MBD5: variants seen among roughly 807,000 people sequenced by gnomAD.
MBD5 encodes the protein methyl-CpG-binding domain protein 5.
A neutral mutation model predicts 117.3 loss-of-function variants in MBD5; 13 were observed. The observed-to-expected ratio is 0.11, with a 90% CI of 0.07 to 0.18. The LOEUF is 0.18. Among genes scored for constraint, MBD5 ranks in the 10% least tolerant of loss-of-function variants. MBD5 has a pLI of 1.00. For synonymous variants in MBD5, 727 were observed against 766.4 expected (o/e 0.95, Z 0.85); for missense variants, 1,879 against 2,093.8 (o/e 0.90, Z 2.00).
intron 1 of MBD5, among the ~76,000 whole-genome samples, chr2:148,062,995 G>C (rs1695081446): frequency 6.6e-6 from 1 of 152,050 alleles, no homozygotes; most frequent in Non-Finnish European, 1.5e-5. Context: ...GCACATATTT[G>C]CGGATTCCTT....
At chr2:148,260,349 G>A (rs578080425) in intron 3 of MBD5, among the ~76,000 whole-genome samples, 82 of 152,258 alleles carry the variant, frequency 5.4e-4, no homozygotes, top group Middle Eastern at 3.4e-3. Context: ...CTGCTCATCC[G>A]TTCAAGTTTT....
At chr2:148,364,217 A>G (rs2105324303) in intron 4 of MBD5, among the ~76,000 whole-genome samples, 1 of 152,356 alleles carries the variant, frequency 6.6e-6, no homozygotes, top group South Asian at 2.1e-4. Flanking sequence ...AGAATTTTCA[A>G]CCCAGAATTT....
intron 4 of MBD5, among the ~76,000 whole-genome samples, chr2:148,439,342 A>T (rs1404156727): frequency 1.3e-5 from 2 of 152,188 alleles, no homozygotes; most frequent in Non-Finnish European, 2.9e-5. Flanking sequence ...ATGTAGGGAC[A>T]TCTTTCTGCC....
intron 4 of MBD5, among the ~76,000 whole-genome samples, chr2:148,394,111 G>A (rs1228186097): frequency 6.6e-6 from 1 of 152,146 alleles, no homozygotes; most frequent in Non-Finnish European, 1.5e-5. Flanking sequence ...GTGGGGTCCT[G>A]TTGTTTTCTG....
At chr2:148,027,836 T>G (rs1272101781) in intron 1 of MBD5, 1 of 152,130 alleles carries the variant, frequency 6.6e-6, no homozygotes, top group Non-Finnish European at 1.5e-5. Flanking sequence ...CTGTTATATA[T>G]TAGAAAAGTT....
At chr2:148,102,721 CACACACACAGAGAGAGAGAG>C (rs770361110) in intron 1 of MBD5, among the ~76,000 whole-genome samples, 7 of 90,878 alleles carry the variant, frequency 7.7e-5, no homozygotes, top group Admixed American at 2.7e-4. Context: ...CACACACACA[CACACACACAGAGAGAGAGAG>C]AGAGAGAGAG....
intron 4 of MBD5, among the ~76,000 whole-genome samples, chr2:148,455,609 A>G (rs1706856491): frequency 6.6e-6 from 1 of 152,122 alleles, no homozygotes; most frequent in Non-Finnish European, 1.5e-5. Context: ...AAACCCAGCC[A>G]TCAGATATTG....
chr2:148,469,631 A>G lies in MBD5; in HGVS notation c.1688A>G (p.Asn563Ser). 6.2e-7 allele frequency: 1 copy of G among 1,613,944 alleles called. No individual in the cohort carries two copies. Among genetic ancestry groups the G allele is most frequent in the East Asian group, 2.2e-5 (1 of 44,880 alleles). Reference protein sequence around the residue: ...SQPGLLGMPLNQILNQHNAAS... With the variant: ...SQPGLLGMPLSQILNQHNAAS... The stretch of plus-strand genomic sequence containing the variant: ...CCTGGTTTGCTGGGAATGCCTTTAA[A>G]TCAGATCTTGAACCAGCACAATGCT... Residue 563 changes from asparagine to serine, a missense_variant, in exon 8 of 14, where the codon AAT (asparagine) becomes AGT (serine). Asn to Ser is a conservative substitution (Grantham distance 46). Coordinates refer to ENST00000642680, the MANE Select transcript of MBD5 (RefSeq NM_001378120.1).
At chr2:148,180,846 A>G (rs1698515270) in intron 2 of MBD5, among the ~76,000 whole-genome samples, 1 of 152,198 alleles carries the variant, frequency 6.6e-6, no homozygotes, top group African/African-American at 2.4e-5. Context: ...CCCTTGACCC[A>G]TAGGAAATCA....
intron 1 of MBD5, among the ~76,000 whole-genome samples, chr2:148,048,179 C>T (rs1007664320): frequency 1.3e-5 from 2 of 152,070 alleles, no homozygotes; most frequent in Non-Finnish European, 2.9e-5. Context: ...TAACTACCTC[C>T]TTCTCATGGT....
chr2:148,082,816 G>A (rs1220888880), intron 1 of MBD5, among the ~76,000 whole-genome samples: 3 of 152,148 alleles, frequency 2.0e-5, no homozygotes, highest in Non-Finnish European at 4.4e-5. Flanking sequence ...GGTGGCCTTG[G>A]AACAAATTCA....
At chr2:148,266,587 T>C (rs971453721) in intron 3 of MBD5, among the ~76,000 whole-genome samples, 2 of 152,084 alleles carry the variant, frequency 1.3e-5, no homozygotes, top group African/African-American at 4.8e-5. Context: ...GACAGAACTG[T>C]TATTATTTGC....
intron 1 of MBD5, among the ~76,000 whole-genome samples, chr2:148,109,704 G>A (rs115648114): frequency 0.026 from 3,980 of 152,162 alleles, 102 homozygotes; most frequent in African/African-American, 0.067. Context: ...ACTCAATAAA[G>A]CTGTAGGTTT....
At chr2:148,111,280 A>G (rs1305615452) in intron 1 of MBD5, among the ~76,000 whole-genome samples, 1 of 152,178 alleles carries the variant, frequency 6.6e-6, no homozygotes, top group African/African-American at 2.4e-5. Flanking sequence ...ACTGTGGTAA[A>G]CTCCAGAAGG....
At chr2:148,086,990 G>T (rs546953476) in intron 1 of MBD5, among the ~76,000 whole-genome samples, 41 of 152,212 alleles carry the variant, frequency 2.7e-4, no homozygotes, top group African/African-American at 9.6e-4. Flanking sequence ...CATGATAGGT[G>T]ATTGCAGTTA....
At position 148,489,659 on chromosome 2, in the gene MBD5, A is replaced by C; in HGVS notation, c.4027A>C (p.Ser1343Arg). ...GGTTGTCATCACCACTGCAGTCAAC[A>C]GTACAACTCAGATCAGCCCCATTCC... is the stretch of plus-strand genomic sequence containing the variant. ...MQVVITTAVN[S>R]TTQISPIPAL... Residue 1343 changes from serine (S) to arginine (R), a missense_variant, in exon 11 of 14, where the codon AGT becomes CGT. Around this residue, in one of 4 missense-constraint regions of MBD5, gnomAD observed 1,666 missense variants for 1,792.2 expected, o/e 0.93. Transcript: ENST00000642680. 6.2e-7 allele frequency: 1 copy of C among 1,614,194 alleles called. No individual in the cohort carries two copies. Among genetic ancestry groups the C allele is most frequent in the Non-Finnish European group, 8.5e-7 (1 of 1,180,034 alleles).
At chr2:148,170,614 C>G (rs1698242343) in intron 1 of MBD5, among the ~76,000 whole-genome samples, 1 of 152,164 alleles carries the variant, frequency 6.6e-6, no homozygotes, top group African/African-American at 2.4e-5. Flanking sequence ...CCTGTCAGAT[C>G]AGAATGACTG....
intron 2 of MBD5, among the ~76,000 whole-genome samples, chr2:148,196,041 A>T (rs1698978111): frequency 6.6e-6 from 1 of 152,208 alleles, no homozygotes; most frequent in South Asian, 2.1e-4. Flanking sequence ...CAAGCTGAGT[A>T]ACAACTTGTT....
intron 1 of MBD5, among the ~76,000 whole-genome samples, chr2:148,149,117 G>C (rs1230203348): frequency 6.8e-6 from 1 of 147,078 alleles, no homozygotes; most frequent in African/African-American, 2.5e-5. Context: ...AGTCCCCAGA[G>C]TGTGATATTC....
Sources: gnomAD v4.1 joint callset for allele counts (sites outside exome capture counted in the v4.1 genomes callset) on GRCh38, gnomAD v4.1.1 for gene constraint, gnomAD v4.1.1 regional missense constraint, MANE v1.5 for transcripts, NCBI Gene and HGNC (gene_info 2026-07-23, HGNC 2026-07-21) for gene names.